The following PIAS1 variants were observed in gnomAD, a reference collection of about 807,000 sequenced individuals.
PIAS1 encodes protein inhibitor of activated STAT 1, also known as E3 SUMO-protein ligase PIAS1.
In PIAS1, 6 loss-of-function variants were observed where a neutral mutation model predicts 71.3. The observed-to-expected ratio is 0.08, with a 90% CI of 0.05 to 0.17. The LOEUF (loss-of-function observed/expected upper bound fraction) is 0.17. Among genes scored for constraint, PIAS1 ranks in the 10% least tolerant of loss-of-function variants. The pLI, the probability that PIAS1 is intolerant of heterozygous loss-of-function variation, is 1.00. For missense variants in PIAS1, 555 were observed against 793.6 expected (o/e 0.70, Z 3.61); for synonymous variants, 303 against 292.9 (o/e 1.03, Z -0.35).
intron 2 of PIAS1, among the ~76,000 whole-genome samples, chr15:68,100,496 G>T (rs1315122786): frequency 6.6e-6 from 1 of 152,068 alleles, no homozygotes; most frequent in African/African-American, 2.4e-5. Context: ...GGGCGGGGAG[G>T]GGGGCGCTGA....
At chr15:68,081,927 C>G (rs1006986407) in intron 1 of PIAS1, among the ~76,000 whole-genome samples, 19 of 151,702 alleles carry the variant, frequency 1.3e-4, no homozygotes, top group African/African-American at 4.4e-4. Flanking sequence ...AAGACCAACC[C>G]CAAGGCACAA....
At chr15:68,169,517 G>A (rs1203614103) in intron 8 of PIAS1, among the ~76,000 whole-genome samples, 1 of 152,140 alleles carries the variant, frequency 6.6e-6, no homozygotes, top group Non-Finnish European at 1.5e-5. Flanking sequence ...TACTAAAAAT[G>A]CAAAAATTAG....
Position 68,074,411 on chromosome 15 carries a change from C to T in PIAS1, c.25-11895C>T, listed in dbSNP as rs938576094. ...CTTGATCTGCTGGGCTCAAGCCATC[C>T]TCCCACCTCAGCCTCCTGAGTAGCC... On this transcript the variant is annotated intron_variant, in intron 1 of 13. Transcript: ENST00000249636. 2.0e-5 allele frequency among the ~76,000 whole-genome samples: 3 copies of T among 152,274 alleles called. No homozygotes were observed. In the East Asian group the frequency reaches 5.8e-4, roughly 29 times the overall value.
intron 6 of PIAS1, among the ~76,000 whole-genome samples, chr15:68,150,156 C>T (rs2092835287): frequency 6.6e-6 from 1 of 151,778 alleles, no homozygotes. Flanking sequence ...CCTTGGAGTT[C>T]CCTTTTTCCT....
rs1196055628 is a variant in PIAS1, at chr15:68,075,110, G to A, written c.25-11196G>A. Among the ~76,000 whole-genome samples the A allele has an allele frequency of 5.7e-5, 7 of 123,664 alleles. No individual in the cohort carries two copies. In the South Asian group the frequency reaches 1.0e-3, roughly 18 times the overall value. The allele number at this position is 123,664 out of a possible 152,430, so 81.1% of individuals were successfully genotyped here. ...TTTTTTTTTTTTTTTTTTTTGAGGCGGAGTCTCTCTTTTGCCCAGGCTGGA... is the reference window on the plus strand; with the variant it reads ...TTTTTTTTTTTTTTTTTTTTGAGGCAGAGTCTCTCTTTTGCCCAGGCTGGA... On this transcript the variant is annotated intron_variant, in intron 1 of 13. Coordinates refer to ENST00000249636, the MANE Select transcript of PIAS1 (RefSeq NM_016166.3).
intron 1 of PIAS1, among the ~76,000 whole-genome samples, chr15:68,082,685 T>G (rs2092240100): frequency 6.6e-6 from 1 of 151,858 alleles, no homozygotes; most frequent in African/African-American, 2.4e-5. Flanking sequence ...GGAGAGAAGA[T>G]GTAACAGAGC....
chr15:68,119,723 A>G (rs1246886323), intron 2 of PIAS1, among the ~76,000 whole-genome samples: 1 of 152,136 alleles, frequency 6.6e-6, no homozygotes, highest in East Asian at 1.9e-4. Flanking sequence ...GTATTCTTCC[A>G]ATTTCCTGTC....
At chr15:68,160,785 C>T (rs560394963) in intron 7 of PIAS1, among the ~76,000 whole-genome samples, 1 of 152,194 alleles carries the variant, frequency 6.6e-6, no homozygotes, top group South Asian at 2.1e-4. Context: ...TCAGCAAAAT[C>T]GAGAAGGGAG....
At chr15:68,131,232 G>A (rs2092685957) in intron 2 of PIAS1, among the ~76,000 whole-genome samples, 1 of 152,092 alleles carries the variant, frequency 6.6e-6, no homozygotes, top group South Asian at 2.1e-4. Flanking sequence ...AATCTTTATA[G>A]TCAACAGACA....
chr15:68,142,161 TGTTA>T (rs1355763169), intron 3 of PIAS1, 125 bp from the exon 4 acceptor site: 12 of 932,612 alleles, frequency 1.3e-5, no homozygotes, highest in Non-Finnish European at 1.9e-5. Context: ...AAGTATAGTG[TGTTA>T]GTTACTGTAA....
At chr15:68,184,799 T>C (rs532410219) in intron 13 of PIAS1, 2 of 153,460 alleles carry the variant, frequency 1.3e-5, no homozygotes, top group Admixed American at 1.3e-4. Flanking sequence ...TCAAGGCTTT[T>C]AAGGACAAGA....
intron 7 of PIAS1, among the ~76,000 whole-genome samples, chr15:68,154,647 A>G (rs1290933324): frequency 2.6e-5 from 4 of 152,220 alleles, no homozygotes; most frequent in Non-Finnish European, 5.9e-5. Context: ...CTGAATATCA[A>G]TATACCCTTA....
At position 68,192,713 on chromosome 15, in the gene PIAS1, GT is replaced by G. The variant is rs1381106132; in HGVS notation, c.*4879del. The G allele has an allele frequency of 6.6e-6, 1 of 152,180 alleles. No individual in the cohort carries two copies. The highest frequency in any genetic ancestry group is 1.5e-5 in the Non-Finnish European group (1 of 68,098). The allele number at this position is 152,180 out of a possible 1,614,324, so 9.4% of individuals were successfully genotyped here. ...GTGCCTAGTGAAAGATTTGTGTCTTGTACATCCTCCCAAAAGACACATCCCA... is the reference window on the plus strand; with the variant it reads ...GTGCCTAGTGAAAGATTTGTGTCTTGACATCCTCCCAAAAGACACATCCCA... On this transcript the variant is annotated 3_prime_UTR_variant, in exon 14 of 14. Coordinates refer to ENST00000249636, the MANE Select transcript of PIAS1 (RefSeq NM_016166.3).
chr15:68,109,053 G>C lies in PIAS1; in HGVS notation c.469+22303G>C, dbSNP rs143333317. Among the ~76,000 whole-genome samples, 12 of 152,220 alleles carry C rather than the reference G, an allele frequency of 7.9e-5. No individual in the cohort carries two copies. The East Asian group carries it at 1.2e-3, about 15-fold the overall frequency. On this transcript the variant is annotated intron_variant, in intron 2 of 13. Transcript: ENST00000249636. ...GCCTGGCCATCTTTGTTACCTGTCT[G>C]ATATCATCATCTATAACTATTCTTT...
Position 68,054,605 on chromosome 15 carries a change from G to T in PIAS1, c.24+255G>T. The T allele has an allele frequency of 2.4e-6, 1 of 425,270 alleles. No individual in the cohort carries two copies. The highest frequency in any genetic ancestry group is 4.2e-6 in the Non-Finnish European group (1 of 239,310). 26.3% of individuals were successfully genotyped at this position (425,270 alleles called of 1,614,324 possible). A position where few individuals can be genotyped will look rare whatever the true frequency, so the allele number is the denominator to read the frequency against. ...TGTGGGCGCCTCTGGCGGGGGTGGC[G>T]GGGGAAGAGATAGGGAGTCCGGAGG... On this transcript the variant is annotated intron_variant, in intron 1 of 13. Transcript: ENST00000249636. This position sits in a 1 kb window ranked among gnomAD's most constrained non-coding sequence, Gnocchi z 4.6.
chr15:68,101,627 C>A (rs940496205), intron 2 of PIAS1, among the ~76,000 whole-genome samples: 3 of 152,054 alleles, frequency 2.0e-5, no homozygotes, highest in Non-Finnish European at 4.4e-5. Context: ...TGCCACTGCG[C>A]CTGGCTTGTC....
chr15:68,091,918 A>G (rs1187005878), intron 2 of PIAS1, among the ~76,000 whole-genome samples: 2 of 152,136 alleles, frequency 1.3e-5, no homozygotes, highest in Non-Finnish European at 2.9e-5. Context: ...CTGAATACCT[A>G]TTGTTTTCTT....
chr15:68,065,235 T>A (rs1468407560), intron 1 of PIAS1, among the ~76,000 whole-genome samples: 1 of 152,132 alleles, frequency 6.6e-6, no homozygotes, highest in African/African-American at 2.4e-5. Context: ...CAGCAGTGCC[T>A]AATTTAAAAT....
At chr15:68,078,236 A>G (rs1212372075) in intron 1 of PIAS1, among the ~76,000 whole-genome samples, 1 of 152,180 alleles carries the variant, frequency 6.6e-6, no homozygotes, top group Non-Finnish European at 1.5e-5. Context: ...TAAAAGACCT[A>G]CCTGTTTGTA....
Sources: gnomAD v4.1 joint callset for allele counts (sites outside exome capture counted in the v4.1 genomes callset) on GRCh38, gnomAD v4.1.1 for gene constraint, Gnocchi (gnomAD v3.1) non-coding constraint, MANE v1.5 for transcripts, NCBI Gene and HGNC (gene_info 2026-07-23, HGNC 2026-07-21) for gene names.